ZNF317: variants seen among roughly 807,000 people sequenced by gnomAD.
ZNF317 encodes the protein zinc finger protein 317, also known as KRAB-containing zinc finger protein 317.
A neutral mutation model predicts 23.4 loss-of-function variants in ZNF317; 17 were observed. That is an observed-to-expected ratio of 0.73 (90% CI 0.50 to 1.09). ZNF317 has a LOEUF of 1.09. Ranked by LOEUF, ZNF317 falls within the 50% of genes least tolerant of loss-of-function variation. The pLI is 0.00. For missense variants in ZNF317, 679 were observed against 796.7 expected (o/e 0.85, Z 1.78); for synonymous variants, 317 against 314.9 (o/e 1.01, Z -0.07).
chr19:9,160,469 A>G lies in ZNF317; in HGVS notation c.824A>G (p.Glu275Gly). 1.9e-6 allele frequency: 3 copies of G among 1,614,180 alleles called. No individual in the cohort carries two copies. Among genetic ancestry groups the G allele is most frequent in the Non-Finnish European group, 2.5e-6 (3 of 1,180,042 alleles). ...LRSHARTHLKEKPFDCSQCGN... is the reference protein window; with the variant it reads ...LRSHARTHLKGKPFDCSQCGN... Reference sequence around the variant, plus strand: ...AGCCACGCAAGAACTCACCTCAAAGAGAAGCCCTTTGACTGCAGTCAGTGT... The same window carrying G: ...AGCCACGCAAGAACTCACCTCAAAGGGAAGCCCTTTGACTGCAGTCAGTGT... The change falls in exon 7 of 7, where the codon GAG becomes GGG. Residue 275 changes from glutamate (E) to glycine (G), a missense_variant. Coordinates refer to ENST00000247956, the MANE Select transcript of ZNF317 (RefSeq NM_020933.5). This position sits in a 1 kb window ranked among gnomAD's most constrained non-coding sequence, Gnocchi z 6.8.
Position 9,162,894 on chromosome 19 carries a change from C to T in ZNF317, c.*1461C>T, listed in dbSNP as rs1259965451. 2 of 152,160 alleles carry T rather than the reference C, an allele frequency of 1.3e-5. No homozygotes were observed. The highest frequency in any genetic ancestry group is 2.4e-5 in the African/African-American group (1 of 41,440). The allele number at this position is 152,160 out of a possible 1,614,324, so 9.4% of individuals were successfully genotyped here. The stretch of plus-strand genomic sequence containing the variant: ...TGCGACCAGAGCATGATGCCTCCAT[C>T]AAGTGGTAATATGTTTGCAGCCTGC... On this transcript the variant is annotated 3_prime_UTR_variant, in exon 7 of 7. Transcript: ENST00000247956.
Position 9,156,622 on chromosome 19 carries a change from C to CCCT in ZNF317, c.37_38insCTC (p.Thr12_Gln13insPro). 6.2e-7 allele frequency: 1 copy of CCCT among 1,613,956 alleles called. No individual in the cohort carries two copies. The highest frequency in any genetic ancestry group is 8.5e-7 in the Non-Finnish European group (1 of 1,179,910). On this transcript the variant is annotated inframe_insertion, in exon 3 of 7. Transcript: ENST00000247956. Reference sequence around the variant, plus strand: ...TGTTTTCTCCTCCAGCCACGTCCACCCAGGATTCCACCTGTCTCCAGGACT... The same window carrying CCCT: ...TGTTTTCTCCTCCAGCCACGTCCACCCCTCAGGATTCCACCTGTCTCCAGGACT...
chr19:9,143,028 G>A (rs1218066953), intron 1 of ZNF317, among the ~76,000 whole-genome samples: 1 of 152,128 alleles, frequency 6.6e-6, no homozygotes, highest in African/African-American at 2.4e-5. Context: ...TGGGTCTGGA[G>A]TTTTCTTTGT....
intron 1 of ZNF317, among the ~76,000 whole-genome samples, chr19:9,144,928 C>A (rs766090461): frequency 6.6e-6 from 1 of 152,124 alleles, no homozygotes; most frequent in Non-Finnish European, 1.5e-5. Flanking sequence ...CTCTTTCTCT[C>A]TTTCTCAGTG....
intron 1 of ZNF317, among the ~76,000 whole-genome samples, chr19:9,147,838 C>G (rs1221117549): frequency 6.6e-6 from 1 of 152,274 alleles, no homozygotes; most frequent in Non-Finnish European, 1.5e-5. Flanking sequence ...CGCCCCCTCC[C>G]CCCCTCCAAA....
intron 4 of ZNF317, chr19:9,157,729 A>G (rs946935421): frequency 1.1e-6 from 1 of 919,878 alleles, no homozygotes; most frequent in Non-Finnish European, 1.4e-6. Flanking sequence ...GGTTCTCACT[A>G]TGTTGCCCAG....
intron 2 of ZNF317, 52 bp from the exon 3 acceptor site, chr19:9,156,560 A>G (rs1253516648): frequency 1.3e-6 from 2 of 1,586,518 alleles, no homozygotes; most frequent in African/African-American, 2.7e-5. Flanking sequence ...CAAGTGTTGT[A>G]TTATGAGACA....
chr19:9,160,734 G>A lies in ZNF317; in HGVS notation c.1089G>A (p.Ala363=), dbSNP rs150750454. 7.6e-5 allele frequency: 122 copies of A among 1,610,338 alleles called. No individual in the cohort carries two copies. The highest frequency in any genetic ancestry group is 4.8e-4 in the African/African-American group (36 of 74,558). Residue 363 remains alanine (A), a synonymous_variant, in exon 7 of 7, where the codon GCG becomes GCA. Coordinates refer to ENST00000247956, the MANE Select transcript of ZNF317 (RefSeq NM_020933.5). The surrounding 1 kb of genome is among the most constrained non-coding windows in gnomAD (Gnocchi z 6.8). ...VRNHTGEKPY[A]CTQCGKAFRW... The stretch of plus-strand genomic sequence containing the variant: ...ATCACACGGGGGAGAAGCCCTACGC[G>A]TGCACGCAGTGCGGCAAAGCCTTCC...
intron 6 of ZNF317, among the ~76,000 whole-genome samples, chr19:9,159,717 T>C (rs1296653504): frequency 6.6e-6 from 1 of 152,082 alleles, no homozygotes; most frequent in Non-Finnish European, 1.5e-5. Flanking sequence ...CAGCTAATTT[T>C]TGTATTTTTA....
Position 9,160,682 on chromosome 19 carries a change from C to T in ZNF317, c.1037C>T (p.Pro346Leu). 2 of 1,613,990 alleles carry T rather than the reference C, an allele frequency of 1.2e-6. No individual in the cohort carries two copies. The highest frequency in any genetic ancestry group is 1.7e-6 in the Non-Finnish European group (2 of 1,180,004). The change falls in exon 7 of 7, where the codon CCC becomes CTC. Residue 346 changes from proline to leucine, a missense_variant. By Grantham distance (98) the Pro-to-Leu change is moderately conservative (BLOSUM62 -3). Coordinates refer to ENST00000247956, the MANE Select transcript of ZNF317 (RefSeq NM_020933.5). This position sits in a 1 kb window ranked among gnomAD's most constrained non-coding sequence, Gnocchi z 6.8. ...CHDCGKAFQH[P>L]SHLKEHVRNH... ...GACTGTGGGAAAGCTTTCCAGCACC[C>T]CTCCCACCTCAAAGAGCACGTGAGG...
At chr19:9,159,950 G>T (rs750939363) in intron 6 of ZNF317, among the ~76,000 whole-genome samples, 164 bp from the exon 7 acceptor site, 1 of 152,230 alleles carries the variant, frequency 6.6e-6, no homozygotes, top group African/African-American at 2.4e-5. Context: ...GTCCTTGATG[G>T]AGCTCAAATG....
At chr19:9,157,455 T>C (rs2050796337) in intron 4 of ZNF317, 61 bp downstream of exon 4, 1 of 1,603,632 alleles carries the variant, frequency 6.2e-7, no homozygotes, top group African/African-American at 1.3e-5. Context: ...TGTTTGAGTA[T>C]GTTCTGTGAC....
rs558954879 is a variant in ZNF317, at chr19:9,141,016, C to T, written c.-93+424C>T. 2.4e-4 allele frequency among the ~76,000 whole-genome samples: 37 copies of T among 152,046 alleles called. No individual in the cohort carries two copies. In the South Asian group the frequency reaches 7.5e-3, roughly 31 times the overall value. Reference sequence around the variant, plus strand: ...TTCTTATTAGCACTTACCTTGAGTACCTTTTATATTTTTAATTTAAGACCT... The same window carrying T: ...TTCTTATTAGCACTTACCTTGAGTATCTTTTATATTTTTAATTTAAGACCT... On this transcript the variant is annotated intron_variant, in intron 1 of 6. Coordinates refer to ENST00000247956, the MANE Select transcript of ZNF317 (RefSeq NM_020933.5).
chr19:9,141,157 C>T (rs2050626256), intron 1 of ZNF317, among the ~76,000 whole-genome samples: 1 of 152,078 alleles, frequency 6.6e-6, no homozygotes. Context: ...TCCAGTTATA[C>T]TTATCGTGAT....
intron 3 of ZNF317, 79 bp downstream of exon 3, chr19:9,156,827 C>G: frequency 6.5e-7 from 1 of 1,530,206 alleles, no homozygotes; most frequent in African/African-American, 1.4e-5. Flanking sequence ...GGAATTCTTG[C>G]AGAGCTTCAT....
chr19:9,160,816 G>C lies in ZNF317; in HGVS notation c.1171G>C (p.Glu391Gln), dbSNP rs766645842. ...KKNHMVEKTY[E>Q]CKECGKSFGD... Reference sequence around the variant, plus strand: ...GAACCACATGGTGGAGAAGACCTACGAATGTAAAGAATGCGGGAAATCCTT... The same window carrying C: ...GAACCACATGGTGGAGAAGACCTACCAATGTAAAGAATGCGGGAAATCCTT... Residue 391 changes from glutamate (E) to glutamine (Q), a missense_variant, in exon 7 of 7, where the codon GAA becomes CAA. Physicochemically the swap from Glu to Gln is conservative, Grantham distance 29. Coordinates refer to ENST00000247956, the MANE Select transcript of ZNF317 (RefSeq NM_020933.5). The surrounding 1 kb of genome is among the most constrained non-coding windows in gnomAD (Gnocchi z 6.8). The C allele has an allele frequency of 6.2e-7, 1 of 1,614,184 alleles. No homozygotes were observed. Among genetic ancestry groups the C allele is most frequent in the Non-Finnish European group, 8.5e-7 (1 of 1,180,032 alleles).
chr19:9,162,186 G>C lies in ZNF317; in HGVS notation c.*753G>C, dbSNP rs150638564. On this transcript the variant is annotated 3_prime_UTR_variant, in exon 7 of 7. Transcript: ENST00000247956. ...TAGAGACATTTTTGGTAGTTAGAAT[G>C]GGGGGAAGATACTCCTGACTTGTAA... is the stretch of plus-strand genomic sequence containing the variant. 6.6e-6 allele frequency: 1 copy of C among 152,062 alleles called. No individual in the cohort carries two copies. The highest frequency in any genetic ancestry group is 1.5e-5 in the Non-Finnish European group (1 of 68,008). The allele number at this position is 152,062 out of a possible 1,614,324, so 9.4% of individuals were successfully genotyped here. A position where few individuals can be genotyped will look rare whatever the true frequency, so the allele number is the denominator to read the frequency against.
rs183436518 is a variant in ZNF317, at chr19:9,150,862, G to A, written c.-92-5063G>A. Among the ~76,000 whole-genome samples, 265 of 152,292 alleles carry A rather than the reference G, an allele frequency of 1.7e-3. 1 individual carries two copies. Among genetic ancestry groups the A allele is most frequent in the South Asian group, 3.1e-3 (15 of 4,828 alleles). On this transcript the variant is annotated intron_variant, in intron 1 of 6. Coordinates refer to ENST00000247956, the MANE Select transcript of ZNF317 (RefSeq NM_020933.5). ...CAACAAGATGTGGCTCCGCAGTCAC[G>A]TCAGCTGGGCTCACAACTTCCACCT...
At chr19:9,158,220 C>CA in intron 5 of ZNF317, 145 bp downstream of exon 5, 1 of 1,093,614 alleles carries the variant, frequency 9.1e-7, no homozygotes. Flanking sequence ...TCTGACAAAT[C>CA]TTTTGGTCCA....
Sources: gnomAD v4.1 joint callset for allele counts (sites outside exome capture counted in the v4.1 genomes callset) on GRCh38, gnomAD v4.1.1 for gene constraint, Gnocchi (gnomAD v3.1) non-coding constraint, MANE v1.5 for transcripts, NCBI Gene and HGNC (gene_info 2026-07-23, HGNC 2026-07-21) for gene names.